Variants in CIITA observed in about 807,000 individuals in gnomAD.
CIITA encodes MHC class II transactivator.
CIITA carries 72 observed loss-of-function variants against 115.1 expected under a neutral mutation model. That is an observed-to-expected ratio of 0.63 (90% confidence interval 0.52 to 0.76). The LOEUF (loss-of-function observed/expected upper bound fraction) is 0.76. Among genes scored for constraint, CIITA ranks in the 30% least tolerant of loss-of-function variants. The pLI is 0.00. For missense variants in CIITA, 1,617 were observed against 1,463.8 expected, an observed-to-expected ratio of 1.10 and a Z score of -1.71; for synonymous variants, 763 against 635.6, an observed-to-expected ratio of 1.20 and a Z score of -3.02.
upstream of CIITA, among the ~76,000 whole-genome samples, chr16:10,876,728 G>C (rs189401875): frequency 2.6e-5 from 4 of 152,356 alleles, no homozygotes; most frequent in Admixed American, 2.6e-4. Flanking sequence ...GAAAATGACA[G>C]GTGGGCCACT....
rs1197567953 is a variant in CIITA, at chr16:10,895,621, C to T, written c.200-48C>T. On this transcript the variant is annotated intron_variant, in intron 2 of 19. Transcript: ENST00000324288. ...CGCCTCTCCCTCGTTCCCCACCAGC[C>T]CTCTTTCCAGAAATTTCCTTCTTCA... 9 of 1,609,500 alleles carry T rather than the reference C, an allele frequency of 5.6e-6. No individual in the cohort carries two copies. The South Asian group carries it at 6.6e-5, about 12-fold the overall frequency.
rs199476080 is a variant in CIITA, at chr16:10,922,090, A to C, written c.3150-77A>C. 7.7e-7 allele frequency: 1 copy of C among 1,301,076 alleles called. No individual in the cohort carries two copies. The highest frequency in any genetic ancestry group is 2.3e-5 in the East Asian group (1 of 43,402). 80.6% of individuals were successfully genotyped at this position (1,301,076 alleles called of 1,614,324 possible). On this transcript the variant is annotated intron_variant, in intron 16 of 19. Coordinates refer to ENST00000324288, the MANE Select transcript of CIITA (RefSeq NM_000246.4). ...ATAGTGGGACCAGGCTTTTTCTGGA[A>C]TCTAGGGATGGTGGCTTCTGGAAGG...
chr16:10,908,675 T>G (rs548039571), intron 11 of CIITA: 44 of 507,352 alleles, frequency 8.7e-5, no homozygotes, highest in African/African-American at 7.3e-4. Flanking sequence ...TTGGTTTCAT[T>G]AAGTCGGTCT....
chr16:10,922,284 G>T (rs756691408), intron 17 of CIITA, 34 bp downstream of exon 17: 1 of 1,610,308 alleles, frequency 6.2e-7, no homozygotes, highest in African/African-American at 1.3e-5. Flanking sequence ...GGGTGGCTCA[G>T]CCCGGGGTGG....
intron 1 of CIITA, among the ~76,000 whole-genome samples, chr16:10,882,136 A>T (rs2036492216): frequency 6.6e-6 from 1 of 152,210 alleles, no homozygotes; most frequent in Non-Finnish European, 1.5e-5. Flanking sequence ...TGGGTGGACA[A>T]ATATCTGTCT....
chr16:10,936,499 TG>T (rs1242950299), downstream of CIITA: 1 of 152,232 alleles, frequency 6.6e-6, no homozygotes, highest in Admixed American at 6.5e-5. Flanking sequence ...AGCATGCACG[TG>T]TACATGAGCA....
chr16:10,900,817 A>G (rs76367662), intron 5 of CIITA, among the ~76,000 whole-genome samples: 3 of 152,272 alleles, frequency 2.0e-5, no homozygotes, highest in Admixed American at 6.5e-5. Flanking sequence ...CCCACCATGT[A>G]CCATTTTGAT....
rs1005251078 is a variant in CIITA at position 10,925,235 on chromosome 16, A to G, written c.*1380A>G. The stretch of plus-strand genomic sequence containing the variant: ...GGTGGCTGGGTTGGAGGGTGTCCCA[A>G]AAAGAAAGGAGGGGATAGAGAGAGA... On this transcript the variant is annotated 3_prime_UTR_variant, in exon 20 of 20. Transcript: ENST00000324288. The G allele has an allele frequency of 2.0e-5, 3 of 152,258 alleles. No homozygotes were observed. The highest frequency in any genetic ancestry group is 4.8e-5 in the African/African-American group (2 of 41,442). The allele number at this position is 152,258 out of a possible 1,614,324, so 9.4% of individuals were successfully genotyped here.
At position 10,930,572 on chromosome 16, in the gene CIITA, A is replaced by T. The variant is rs1349719764; in HGVS notation, c.*6717A>T. ...TAGGATAAGAAATTGAGGTTCAGAGAAGCCAAGTAACCTGCCTAAAGATGC... is the reference window on the plus strand; with the variant it reads ...TAGGATAAGAAATTGAGGTTCAGAGTAGCCAAGTAACCTGCCTAAAGATGC... On this transcript the variant is annotated 3_prime_UTR_variant, in exon 20 of 20. Coordinates refer to ENST00000324288, the MANE Select transcript of CIITA (RefSeq NM_000246.4). 6.6e-6 allele frequency: 1 copy of T among 152,262 alleles called. No homozygotes were observed. The highest frequency in any genetic ancestry group is 1.5e-5 in the Non-Finnish European group (1 of 68,058). The allele number at this position is 152,262 out of a possible 1,614,324, so 9.4% of individuals were successfully genotyped here.
rs555993726 is a variant in CIITA at position 10,931,516 on chromosome 16, T to A, written c.*7661T>A. ...TTTATCTGTAGGGTTACCTTCTATT[T>A]ATAGCAAGTGATGCCAAGTTTCCAT... On this transcript the variant is annotated 3_prime_UTR_variant, in exon 20 of 20. Transcript: ENST00000324288. The A allele has an allele frequency of 1.3e-5, 2 of 152,252 alleles. No homozygotes were observed. The highest frequency in any genetic ancestry group is 2.9e-5 in the Non-Finnish European group (2 of 68,048). The allele number at this position is 152,252 out of a possible 1,614,324, so 9.4% of individuals were successfully genotyped here. A position where few individuals can be genotyped will look rare whatever the true frequency, so the allele number is the denominator to read the frequency against.
At chr16:10,911,771 G>A (rs569901849) in intron 13 of CIITA, among the ~76,000 whole-genome samples, 58 of 151,802 alleles carry the variant, frequency 3.8e-4, no homozygotes, top group African/African-American at 1.2e-3. Context: ...GTCTGGTCTC[G>A]AGCTCCTGGG....
In CIITA at chr16:10,879,368, C is replaced by A. The variant is rs925205544; in HGVS notation, c.52+1986C>A. On this transcript the variant is annotated intron_variant, in intron 1 of 19. Transcript: ENST00000324288. This position sits in a 1 kb window ranked among gnomAD's most constrained non-coding sequence, Gnocchi z 4.3. ...CGGAGCAGACACACTCCCCCGGCCA[C>A]CCTTGGCCGACTCCGCGCGCCCGGG... Among the ~76,000 whole-genome samples, 18 of 152,046 alleles carry A rather than the reference C, an allele frequency of 1.2e-4. No individual in the cohort carries two copies. The highest frequency in any genetic ancestry group is 3.4e-4 in the African/African-American group (14 of 41,406).
intron 5 of CIITA, among the ~76,000 whole-genome samples, chr16:10,899,624 C>T (rs1297826234): frequency 6.6e-6 from 1 of 152,194 alleles, no homozygotes; most frequent in African/African-American, 2.4e-5. Context: ...TATGCAGTAG[C>T]ACCTCAGTAG....
chr16:10,873,107 G>A (rs2035595354), upstream of CIITA, among the ~76,000 whole-genome samples: 1 of 152,076 alleles, frequency 6.6e-6, no homozygotes, highest in African/African-American at 2.4e-5. Context: ...CAAGTAGCTG[G>A]GACTACAGGC....
chr16:10,878,474 A>T (rs1408548091), intron 1 of CIITA, among the ~76,000 whole-genome samples: 1 of 152,194 alleles, frequency 6.6e-6, no homozygotes, highest in African/African-American at 2.4e-5. Context: ...GGGTGTGGTC[A>T]TGGTAACACA....
intron 1 of CIITA, among the ~76,000 whole-genome samples, chr16:10,878,725 T>A (rs2036090843): frequency 6.6e-6 from 1 of 152,200 alleles, no homozygotes; most frequent in African/African-American, 2.4e-5. Context: ...TCCTGGCTCC[T>A]GGCCCGGGGC....
At position 10,903,767 on chromosome 16, in the gene CIITA, G is replaced by C; in HGVS notation, c.809G>C (p.Ser270Thr). Residue 270 changes from serine (S) to threonine (T), a missense_variant, in exon 9 of 20, where the codon AGT becomes ACT. Coordinates refer to ENST00000324288, the MANE Select transcript of CIITA (RefSeq NM_000246.4). ...CAGGCCAGCCAAGTACCCCCTCCCA[G>C]TGGATTCACTGTCCACGGCCTCCCA... ...VPQASQVPPPSGFTVHGLPTS... is the reference protein window; with the variant it reads ...VPQASQVPPPTGFTVHGLPTS... The C allele has an allele frequency of 6.2e-7, 1 of 1,614,136 alleles. No individual in the cohort carries two copies. The highest frequency in any genetic ancestry group is 8.5e-7 in the Non-Finnish European group (1 of 1,180,028).
intron 1 of CIITA, chr16:10,866,622 C>T (rs1031411611): frequency 6.9e-6 from 3 of 432,822 alleles, no homozygotes; most frequent in Non-Finnish European, 1.4e-5. Flanking sequence ...CTGTAGACAG[C>T]TCAAGGATTT....
intron 18 of CIITA, chr16:10,922,971 T>C (rs566056266): frequency 1.8e-6 from 1 of 560,814 alleles, no homozygotes; most frequent in African/African-American, 1.9e-5. Flanking sequence ...ATTTTACAGA[T>C]GAGGAAAATA....
Sources: gnomAD v4.1 joint callset for allele counts (sites outside exome capture counted in the v4.1 genomes callset) on GRCh38, gnomAD v4.1.1 for gene constraint, Gnocchi (gnomAD v3.1) non-coding constraint, MANE v1.5 for transcripts, NCBI Gene and HGNC (gene_info 2026-07-23, HGNC 2026-07-21) for gene names.